SH3PXD2A: variants seen among roughly 807,000 people sequenced by gnomAD.
SH3PXD2A encodes the protein SH3 and PX domain-containing protein 2A.
In SH3PXD2A, 32 loss-of-function variants were observed where a neutral mutation model predicts 115.2. The observed-to-expected ratio is 0.28, with a 90% confidence interval of 0.21 to 0.37. The LOEUF is 0.37. Ranked by LOEUF, SH3PXD2A falls within the 10% of genes least tolerant of loss-of-function variation. The pLI is 1.00. For synonymous variants in SH3PXD2A, 610 were observed against 629.1 expected, an observed-to-expected ratio of 0.97 and a Z score of 0.45; for missense variants, 1,328 against 1,498.7, an observed-to-expected ratio of 0.89 and a Z score of 1.88.
chr10:103,724,671 A>C lies in SH3PXD2A; in HGVS notation c.307-310T>G, dbSNP rs145976833. Among the ~76,000 whole-genome samples the C allele has an allele frequency of 2.8e-3, 419 of 152,196 alleles. 2 individuals are homozygous for C. The highest frequency in any genetic ancestry group is 4.8e-3 in the Non-Finnish European group (323 of 67,990). On this transcript the variant is annotated intron_variant, in intron 4 of 14. Transcript: ENST00000369774. ...TTAATCAACAAACCAACAAGACAAC[A>C]ACAAGAAAACCCCTAACCAGTTATC...
chr10:103,617,086 G>T lies in SH3PXD2A; in HGVS notation c.920+111C>A, dbSNP rs1433356880. 7 of 748,218 alleles carry T rather than the reference G, an allele frequency of 9.4e-6. No individual in the cohort carries two copies. The Admixed American group carries it at 1.3e-4, about 14-fold the overall frequency. 46.3% of individuals were successfully genotyped at this position (748,218 alleles called of 1,614,324 possible). ...GCAGCAGCCCAGCCCTGTGCCGTGG[G>T]CACAAAGCTGTCAGTATCTACCTGC... On this transcript the variant is annotated intron_variant, in intron 11 of 14. Transcript: ENST00000369774.
intron 2 of SH3PXD2A, among the ~76,000 whole-genome samples, chr10:103,779,840 A>G (rs987671749): frequency 6.6e-6 from 1 of 152,206 alleles, no homozygotes; most frequent in Non-Finnish European, 1.5e-5. Context: ...TAGCCTTGCC[A>G]GAGACCACTC....
intron 2 of SH3PXD2A, among the ~76,000 whole-genome samples, chr10:103,779,735 C>T (rs1362210970): frequency 6.6e-6 from 1 of 152,114 alleles, no homozygotes. Context: ...GGTGACACTC[C>T]GCAGAGAAGG....
chr10:103,697,905 A>C (rs2037843802), intron 5 of SH3PXD2A, among the ~76,000 whole-genome samples: 1 of 150,636 alleles, frequency 6.6e-6, no homozygotes, highest in African/African-American at 2.5e-5. Context: ...CCCCTTGAAA[A>C]CTCCCAGGAT....
In SH3PXD2A at chr10:103,598,421, A is replaced by T. The variant is rs903608271; in HGVS notation, c.*3395T>A. 1 of 152,634 alleles carries T rather than the reference A, an allele frequency of 6.6e-6. No individual in the cohort carries two copies. Among genetic ancestry groups the T allele is most frequent in the South Asian group, 2.1e-4 (1 of 4,828 alleles). The allele number at this position is 152,634 out of a possible 1,614,324, so 9.5% of individuals were successfully genotyped here. On this transcript the variant is annotated 3_prime_UTR_variant, in exon 15 of 15. Transcript: ENST00000369774. ...GGAGATGACATTTTTTTCCCCTTGCAATAAAAGAAAAAGGTCTTGAAACGG... is the reference window on the plus strand; with the variant it reads ...GGAGATGACATTTTTTTCCCCTTGCTATAAAAGAAAAAGGTCTTGAAACGG...
intron 6 of SH3PXD2A, among the ~76,000 whole-genome samples, chr10:103,672,764 A>AG (rs1338480682): frequency 3.6e-4 from 55 of 152,352 alleles, no homozygotes; most frequent in Admixed American, 1.1e-3. Flanking sequence ...GCTGGGAATT[A>AG]GGCCTCTGGA....
At chr10:103,843,172 G>A (rs2039616806) in intron 1 of SH3PXD2A, among the ~76,000 whole-genome samples, 1 of 152,184 alleles carries the variant, frequency 6.6e-6, no homozygotes, top group African/African-American at 2.4e-5. Context: ...GGCCCAGGAG[G>A]TGAAGAAACT....
At chr10:103,688,711 C>T (rs1421087402) in intron 6 of SH3PXD2A, among the ~76,000 whole-genome samples, 1 of 152,018 alleles carries the variant, frequency 6.6e-6, no homozygotes, top group African/African-American at 2.4e-5. Context: ...GGGGTAAAGC[C>T]CAGGTCAGGA....
intron 3 of SH3PXD2A, chr10:103,736,843 T>TC (rs2038386504): frequency 8.5e-7 from 1 of 1,179,818 alleles, no homozygotes; most frequent in South Asian, 1.3e-5. Flanking sequence ...GAAGGCATCT[T>TC]CCACTCCCAG....
chr10:103,718,493 T>TG (rs67524236), intron 5 of SH3PXD2A, among the ~76,000 whole-genome samples: 7,469 of 141,394 alleles, frequency 0.053, 278 homozygotes, highest in Admixed American at 0.15. Flanking sequence ...GGCTGGGGGC[T>TG]GGGGGGCTGG....
At position 103,622,494 on chromosome 10, in the gene SH3PXD2A, T is replaced by A; in HGVS notation, c.778A>T (p.Met260Leu). 1 of 1,550,166 alleles carries A rather than the reference T, an allele frequency of 6.5e-7. No homozygotes were observed. The highest frequency in any genetic ancestry group is 8.7e-7 in the Non-Finnish European group (1 of 1,146,810). Residue 260 changes from methionine (M) to leucine (L), a missense_variant, in exon 10 of 15, where the codon ATG (methionine) becomes TTG (leucine). Coordinates refer to ENST00000369774, the MANE Select transcript of SH3PXD2A (RefSeq NM_001394015.1). ...RLDRRWTLGG[M>L]VNRQHSREEK... is the part of the protein sequence containing the mutation. ...CCTCGGCTGTGCTGCCTGTTGACCA[T>A]CCCGCCCAGGGTCCACCGGCGATCC...
intron 8 of SH3PXD2A, among the ~76,000 whole-genome samples, chr10:103,658,260 G>T (rs528872451): frequency 1.3e-5 from 2 of 152,360 alleles, no homozygotes; most frequent in Admixed American, 1.3e-4. Context: ...AGCCAAGTGA[G>T]AGGGGACAAA....
chr10:103,777,467 T>G (rs1293616291), intron 2 of SH3PXD2A, among the ~76,000 whole-genome samples: 1 of 152,248 alleles, frequency 6.6e-6, no homozygotes, highest in Admixed American at 6.5e-5. Flanking sequence ...GGCCTCTGGC[T>G]TTCCCAGCAG....
intron 1 of SH3PXD2A, among the ~76,000 whole-genome samples, chr10:103,843,249 C>G (rs534310028): frequency 2.0e-5 from 3 of 152,310 alleles, no homozygotes; most frequent in African/African-American, 7.2e-5. Context: ...AGCCACAGCC[C>G]ATGACAGCAG....
intron 1 of SH3PXD2A, among the ~76,000 whole-genome samples, chr10:103,830,668 G>A (rs1350450258): frequency 1.3e-5 from 2 of 152,162 alleles, no homozygotes; most frequent in East Asian, 1.9e-4. Context: ...CAATAAAGTA[G>A]AGGCATACAA....
chr10:103,776,425 CGTGTGTGTGTCTGTGTGT>C (rs1313383722), intron 2 of SH3PXD2A, among the ~76,000 whole-genome samples: 9 of 112,118 alleles, frequency 8.0e-5, no homozygotes, highest in Admixed American at 3.8e-4. Context: ...TGTGTGCATG[CGTGTGTGTGTCTGTGTGT>C]GTGTGTGTGT....
intron 11 of SH3PXD2A, 36 bp from the exon 12 acceptor site, chr10:103,613,226 A>T (rs1184432480): frequency 6.7e-7 from 1 of 1,495,130 alleles, no homozygotes; most frequent in African/African-American, 1.4e-5. Flanking sequence ...TCATTAGAGC[A>T]CTCTGACCTC....
intron 1 of SH3PXD2A, among the ~76,000 whole-genome samples, chr10:103,817,626 C>A (rs1180868879): frequency 6.6e-6 from 1 of 152,220 alleles, no homozygotes; most frequent in African/African-American, 2.4e-5. Flanking sequence ...CAGGCGTGAG[C>A]CACCATGCCT....
intron 8 of SH3PXD2A, among the ~76,000 whole-genome samples, chr10:103,641,250 C>G (rs762702821): frequency 6.6e-6 from 1 of 152,148 alleles, no homozygotes; most frequent in Non-Finnish European, 1.5e-5. Context: ...ATTTTAACAA[C>G]CATGACGCCA....
Sources: allele counts gnomAD v4.1 joint callset (sites outside exome capture counted in the v4.1 genomes callset), GRCh38; gene constraint gnomAD v4.1.1; transcripts MANE v1.5; gene names NCBI Gene and HGNC (gene_info 2026-07-23, HGNC 2026-07-21).